The following FOCAD variants were observed in gnomAD, a reference collection of about 807,000 sequenced individuals.
The protein encoded by FOCAD is focadhesin, also known as KIAA1797.
Under a neutral mutation model 225.6 loss-of-function variants are expected in FOCAD, and 198 were observed. That is an observed-to-expected ratio of 0.88 (90% CI 0.78 to 0.99). The LOEUF is 0.99. FOCAD is among the 50% of genes least tolerant of loss of function. FOCAD has a pLI of 0.00. For synonymous variants in FOCAD, 897 were observed against 755.0 expected (o/e 1.19, Z -3.08); for missense variants, 2,713 against 2,123.6 (o/e 1.28, Z -5.46).
chr9:20,833,027 G>T (rs1382586239), intron 15 of FOCAD, among the ~76,000 whole-genome samples: 2 of 152,068 alleles, frequency 1.3e-5, no homozygotes, highest in African/African-American at 2.4e-5. Context: ...ATACCCAGAA[G>T]AGGGATTGCT....
chr9:20,921,955 C>CT (rs1313082107), intron 24 of FOCAD, among the ~76,000 whole-genome samples: 4 of 152,166 alleles, frequency 2.6e-5, no homozygotes, highest in Non-Finnish European at 4.4e-5. Flanking sequence ...AACTGGGACT[C>CT]TAATACTCAG....
At chr9:20,752,581 G>C (rs989068452) in intron 5 of FOCAD, among the ~76,000 whole-genome samples, 4 of 152,152 alleles carry the variant, frequency 2.6e-5, no homozygotes, top group Non-Finnish European at 5.9e-5. Flanking sequence ...ATAGTTTGAA[G>C]TCAGGTGGTG....
At chr9:20,659,106 G>A (rs970094936) in intron 2 of FOCAD, among the ~76,000 whole-genome samples, 6 of 152,166 alleles carry the variant, frequency 3.9e-5, no homozygotes, top group African/African-American at 1.4e-4. Flanking sequence ...TGTAGTCCCA[G>A]CTACTTGGCA....
upstream of FOCAD, among the ~76,000 whole-genome samples, chr9:20,679,787 G>A (rs752989438): frequency 6.6e-6 from 1 of 152,178 alleles, no homozygotes; most frequent in Non-Finnish European, 1.5e-5. Context: ...CATGTACAAT[G>A]TCTAGAAAAT....
At chr9:20,792,127 T>G (rs1820600294) in intron 11 of FOCAD, among the ~76,000 whole-genome samples, 1 of 152,192 alleles carries the variant, frequency 6.6e-6, no homozygotes, top group South Asian at 2.1e-4. Flanking sequence ...AAGATTTTAT[T>G]GTTTTGGAAA....
rs1305129996 is a variant in FOCAD at position 20,951,036 on chromosome 9, C to G, written c.3989C>G (p.Ala1330Gly). The G allele has an allele frequency of 6.2e-7, 1 of 1,613,576 alleles. No individual in the cohort carries two copies. Among genetic ancestry groups the G allele is most frequent in the East Asian group, 2.2e-5 (1 of 44,874 alleles). ...GGGGTGATTGGTCTCCAGTCAAATG[C>G]AGTCTGGCTTCTTGGACATCTTCAT... ...VSGVIGLQSN[A>G]VWLLGHLHLS... is the part of the protein sequence containing the mutation. Residue 1330 changes from alanine (A) to glycine (G), a missense_variant, in exon 34 of 44, where the codon GCA becomes GGA. Physicochemically the swap from Ala to Gly is moderately conservative, Grantham distance 60. Transcript: ENST00000338382.
At chr9:20,980,857 C>T (rs1026915734) in intron 37 of FOCAD, among the ~76,000 whole-genome samples, 42 of 152,184 alleles carry the variant, frequency 2.8e-4, no homozygotes, top group Non-Finnish European at 8.8e-5. Context: ...TACTAACATG[C>T]CCTTTCTTGG....
intron 16 of FOCAD, among the ~76,000 whole-genome samples, chr9:20,865,512 C>T (rs1257457410): frequency 6.6e-6 from 1 of 152,060 alleles, no homozygotes; most frequent in East Asian, 1.9e-4. Context: ...AACGCAGTCA[C>T]TGCCTTAAGT....
At chr9:20,978,541 G>C in intron 37 of FOCAD, 87 bp downstream of exon 37, 1 of 869,186 alleles carries the variant, frequency 1.2e-6, no homozygotes, top group South Asian at 2.2e-5. Context: ...TGTTCTCAAA[G>C]TCAAGAGGAG....
intron 21 of FOCAD, among the ~76,000 whole-genome samples, chr9:20,889,701 CA>C (rs1241703206): frequency 6.6e-6 from 1 of 151,984 alleles, no homozygotes. Flanking sequence ...TTTCATGTTT[CA>C]AAAAAAGTTC....
Position 20,764,981 on chromosome 9 carries a change from C to A in FOCAD, c.607C>A (p.Leu203Ile), listed in dbSNP as rs764176452. 6.2e-7 allele frequency: 1 copy of A among 1,614,148 alleles called. No individual in the cohort carries two copies. The highest frequency in any genetic ancestry group is 1.7e-5 in the Admixed American group (1 of 60,008). Residue 203 changes from leucine to isoleucine, a missense_variant, in exon 7 of 44, where the codon CTT (leucine) becomes ATT (isoleucine). By Grantham distance (5) the Leu-to-Ile change is conservative (BLOSUM62 2). Transcript: ENST00000338382. ...CCGACTAGCCCTGCTGAAAGTCTTA[C>A]TTCAACCCCAGGTTCTTTGTGACAA... ...KLRLALLKVLLQPQVLCDKDQ... is the reference protein window; with the variant it reads ...KLRLALLKVLIQPQVLCDKDQ...
chr9:20,903,972 C>T (rs1587559063), intron 21 of FOCAD, among the ~76,000 whole-genome samples: 1 of 151,890 alleles, frequency 6.6e-6, no homozygotes, highest in Non-Finnish European at 1.5e-5. Flanking sequence ...GTCTCTATGG[C>T]TTTACCTATT....
chr9:20,990,433 C>T lies in FOCAD; in HGVS notation c.5256+59C>T, dbSNP rs560887950. The T allele has an allele frequency of 1.4e-4, 225 of 1,583,260 alleles. 3 individuals carry two copies. The South Asian group carries it at 2.4e-3, about 17-fold the overall frequency. ...GCAGCCATTGTCTCTTCAGCAGTTT[C>T]TACTGTAGAATTGAGGTGGGAGTTA... is the stretch of plus-strand genomic sequence containing the variant. On this transcript the variant is annotated intron_variant, in intron 42 of 43. Transcript: ENST00000338382.
intron 1 of FOCAD, among the ~76,000 whole-genome samples, chr9:20,693,281 T>A (rs1331497429): frequency 6.6e-6 from 1 of 152,228 alleles, no homozygotes; most frequent in African/African-American, 2.4e-5. Flanking sequence ...AGTCTTCTTT[T>A]CTGAGATGAC....
chr9:20,797,226 A>G (rs1423420144), intron 11 of FOCAD, among the ~76,000 whole-genome samples: 1 of 152,088 alleles, frequency 6.6e-6, no homozygotes, highest in East Asian at 1.9e-4. Flanking sequence ...GTAGCCTTGT[A>G]GTCTAGTTTG....
At chr9:20,864,071 C>T (rs879852907) in intron 16 of FOCAD, among the ~76,000 whole-genome samples, 4 of 152,034 alleles carry the variant, frequency 2.6e-5, no homozygotes, top group Non-Finnish European at 5.9e-5. Context: ...GGGGGAGTCT[C>T]TTCAGTGAAC....
Position 20,789,466 on chromosome 9 carries a change from T to C in FOCAD, c.1313T>C (p.Val438Ala). 1.9e-6 allele frequency: 3 copies of C among 1,614,054 alleles called. No homozygotes were observed. Among genetic ancestry groups the C allele is most frequent in the Non-Finnish European group, 1.7e-6 (2 of 1,179,988 alleles). ...GCTGCAAGTGACTGGTTGGCTTCAG[T>C]AGAGTCATTGCTTCCTATTACTGCT... ...SSAASDWLAS[V>A]ESLLPITAVI... Residue 438 changes from valine (V) to alanine (A), a missense_variant, in exon 11 of 44, where the codon GTA becomes GCA. Coordinates refer to ENST00000338382, the MANE Select transcript of FOCAD (RefSeq NM_001375567.1).
chr9:20,885,391 A>G (rs1831028183), intron 21 of FOCAD, 161 bp downstream of exon 21: 1 of 569,046 alleles, frequency 1.8e-6, no homozygotes, highest in Non-Finnish European at 2.6e-6. Flanking sequence ...CAAATATTTC[A>G]ATGTATTTCT....
intron 5 of FOCAD, among the ~76,000 whole-genome samples, chr9:20,753,651 G>A (rs1449159880): frequency 1.3e-5 from 2 of 152,024 alleles, no homozygotes; most frequent in South Asian, 2.1e-4. Context: ...CCCGGCTTTG[G>A]TATCAGGATG....
Sources: allele counts gnomAD v4.1 joint callset (sites outside exome capture counted in the v4.1 genomes callset), GRCh38; gene constraint gnomAD v4.1.1; transcripts MANE v1.5; gene names NCBI Gene and HGNC (gene_info 2026-07-23, HGNC 2026-07-21).